TSHZ2: variants seen among roughly 807,000 people sequenced by gnomAD.
TSHZ2 encodes teashirt zinc finger homeobox 2.
Under a neutral mutation model 74.4 loss-of-function variants are expected in TSHZ2, and 21 were observed. The ratio of observed to expected loss-of-function variants is 0.28; its 90% confidence interval spans 0.20 to 0.41. TSHZ2 has a LOEUF of 0.41. Ranked by LOEUF, TSHZ2 falls within the 10% of genes least tolerant of loss-of-function variation. The pLI is 1.00. For missense variants in TSHZ2, 1,244 were observed against 1,293.5 expected (o/e 0.96, Z 0.59); for synonymous variants, 540 against 515.3 (o/e 1.05, Z -0.65).
chr20:53,018,840 A>G (rs1983133082), intron 1 of TSHZ2, among the ~76,000 whole-genome samples: 1 of 152,214 alleles, frequency 6.6e-6, no homozygotes, highest in African/African-American at 2.4e-5. Flanking sequence ...TCACCTTGCT[A>G]AAAACGTCTT....
intron 1 of TSHZ2, among the ~76,000 whole-genome samples, chr20:53,162,326 G>A (rs575643743): frequency 2.0e-5 from 3 of 152,098 alleles, no homozygotes; most frequent in Non-Finnish European, 4.4e-5. Context: ...ACTGGCTGCC[G>A]CAATGTTTTG....
chr20:53,427,488 A>T (rs1983696645), intron 2 of TSHZ2, among the ~76,000 whole-genome samples: 2 of 151,952 alleles, frequency 1.3e-5, no homozygotes, highest in African/African-American at 2.4e-5. Flanking sequence ...GTGGAAGTTC[A>T]TCTTTAACTT....
intron 2 of TSHZ2, among the ~76,000 whole-genome samples, chr20:53,333,202 G>A (rs934055428): frequency 2.0e-5 from 3 of 152,154 alleles, no homozygotes; most frequent in Non-Finnish European, 2.9e-5. Flanking sequence ...TATTTATTTA[G>A]AGCTTTGCAA....
chr20:53,149,184 T>G lies in TSHZ2; in HGVS notation c.41-104315T>G, dbSNP rs528170886. On this transcript the variant is annotated intron_variant, in intron 1 of 2. Coordinates refer to ENST00000371497, the MANE Select transcript of TSHZ2 (RefSeq NM_173485.6). ...TACTGGTCAGCTCTTTTAGGGTTTT[T>G]TTTTTTTTTTTAAAGTTGATTTCCT... is the stretch of plus-strand genomic sequence containing the variant. Among the ~76,000 whole-genome samples, 379 of 152,188 alleles carry G rather than the reference T, an allele frequency of 2.5e-3. 3 individuals are homozygous for G. Among genetic ancestry groups the G allele is most frequent in the African/African-American group, 8.7e-3 (363 of 41,518 alleles).
chr20:53,229,972 GAGAA>G (rs1395359009), intron 1 of TSHZ2, among the ~76,000 whole-genome samples: 6 of 142,536 alleles, frequency 4.2e-5, no homozygotes, highest in East Asian at 4.2e-4. Context: ...GAAGAAGGAA[GAGAA>G]AGAAAAGAAA....
intron 2 of TSHZ2, among the ~76,000 whole-genome samples, chr20:53,329,624 G>T: frequency 6.9e-6 from 1 of 145,524 alleles, no homozygotes; most frequent in African/African-American, 2.5e-5. Flanking sequence ...TGGGCCTTGC[G>T]TCTAGACTAA....
chr20:53,291,974 AG>A (rs1366339477), intron 2 of TSHZ2, among the ~76,000 whole-genome samples: 2 of 150,808 alleles, frequency 1.3e-5, no homozygotes, highest in Admixed American at 6.6e-5. Flanking sequence ...TATCACAGAA[AG>A]ATAGTCAGGA....
At chr20:53,386,070 C>G (rs1982034438) in intron 2 of TSHZ2, among the ~76,000 whole-genome samples, 1 of 152,230 alleles carries the variant, frequency 6.6e-6, no homozygotes, top group Non-Finnish European at 1.5e-5. Flanking sequence ...TGGAGAAGGC[C>G]AGGCCCTGGG....
chr20:53,472,354 C>T (rs529823524), intron 2 of TSHZ2, among the ~76,000 whole-genome samples: 11 of 152,060 alleles, frequency 7.2e-5, no homozygotes, highest in East Asian at 1.9e-4. Flanking sequence ...CCATTGGATG[C>T]GAGGGAGGAG....
intron 2 of TSHZ2, among the ~76,000 whole-genome samples, chr20:53,320,352 C>T (rs1301275767): frequency 1.3e-5 from 2 of 152,214 alleles, no homozygotes; most frequent in Non-Finnish European, 2.9e-5. Flanking sequence ...TCTGCTGGTC[C>T]TGTCTAGAAA....
At chr20:52,992,321 A>G (rs1435664662) in intron 1 of TSHZ2, among the ~76,000 whole-genome samples, 1 of 152,230 alleles carries the variant, frequency 6.6e-6, no homozygotes. Flanking sequence ...TAGATACCCC[A>G]GTTATTTATA....
intron 2 of TSHZ2, among the ~76,000 whole-genome samples, chr20:53,332,623 A>G (rs1393503129): frequency 6.6e-6 from 1 of 152,194 alleles, no homozygotes; most frequent in African/African-American, 2.4e-5. Context: ...CTGAAAGCCA[A>G]ATGGAATGAC....
chr20:53,224,643 A>G (rs1989638722), intron 1 of TSHZ2, among the ~76,000 whole-genome samples: 1 of 152,172 alleles, frequency 6.6e-6, no homozygotes, highest in Admixed American at 6.5e-5. Flanking sequence ...TGAGGTCAGG[A>G]GTTCAAGACC....
rs190584971 is a variant in TSHZ2 at position 53,089,233 on chromosome 20, A to G, written c.40+115900A>G. 2.1e-3 allele frequency among the ~76,000 whole-genome samples: 322 copies of G among 151,556 alleles called. 3 individuals carry two copies. Among genetic ancestry groups the G allele is most frequent in the Non-Finnish European group, 3.7e-3 (254 of 67,924 alleles). ...CTCATAAAACATACGTGGCACATCT[A>G]TAGGGCCTGAGGAAAGCCCACACAG... On this transcript the variant is annotated intron_variant, in intron 1 of 2. Coordinates refer to ENST00000371497, the MANE Select transcript of TSHZ2 (RefSeq NM_173485.6).
intron 1 of TSHZ2, among the ~76,000 whole-genome samples, chr20:53,060,686 A>G (rs962357050): frequency 6.6e-6 from 1 of 152,252 alleles, no homozygotes; most frequent in Non-Finnish European, 1.5e-5. Context: ...AAATGGGTTA[A>G]CTAAATAATA....
At chr20:53,145,429 T>C (rs999767954) in intron 1 of TSHZ2, among the ~76,000 whole-genome samples, 4 of 152,180 alleles carry the variant, frequency 2.6e-5, no homozygotes, top group African/African-American at 9.6e-5. Context: ...ACACCTTGTA[T>C]CAAGAATTTG....
intron 1 of TSHZ2, among the ~76,000 whole-genome samples, chr20:53,166,065 C>G (rs1988055110): frequency 1.3e-5 from 2 of 152,174 alleles, no homozygotes; most frequent in African/African-American, 4.8e-5. Context: ...GAAACTAATA[C>G]AAGTTGAAGA....
intron 1 of TSHZ2, among the ~76,000 whole-genome samples, chr20:53,171,147 G>C (rs988703174): frequency 6.6e-6 from 1 of 152,114 alleles, no homozygotes; most frequent in East Asian, 1.9e-4. Flanking sequence ...ACCAGCCCTC[G>C]ATCCGAAAGC....
intron 2 of TSHZ2, among the ~76,000 whole-genome samples, chr20:53,458,681 C>T (rs1201815035): frequency 1.3e-5 from 2 of 151,870 alleles, no homozygotes; most frequent in Non-Finnish European, 2.9e-5. Flanking sequence ...ATCTTTCCTG[C>T]TTTCTCTTGT....
Sources: allele counts gnomAD v4.1 joint callset (sites outside exome capture counted in the v4.1 genomes callset), GRCh38; gene constraint gnomAD v4.1.1; transcripts MANE v1.5; gene names NCBI Gene and HGNC (gene_info 2026-07-23, HGNC 2026-07-21).